Variants in MBNL3 observed in about 807,000 individuals in gnomAD.
The protein encoded by MBNL3 is muscleblind-like protein 3.
A neutral mutation model predicts 24.5 loss-of-function variants in MBNL3; 6 were observed. That is an observed-to-expected ratio of 0.25 (90% CI 0.13 to 0.48). MBNL3 has a LOEUF of 0.48. Among genes scored for constraint, MBNL3 ranks in the 20% least tolerant of loss-of-function variants. The probability of loss-of-function intolerance (pLI) is 0.99; values close to 1 mark genes in which losing one functional copy is unlikely to be tolerated. For synonymous variants in MBNL3, 100 were observed against 101.7 expected (o/e 0.98, Z 0.10); for missense variants, 230 against 293.5 (o/e 0.78, Z 1.58).
intron 8 of MBNL3, among the ~76,000 whole-genome samples, chrX:132,381,114 A>G (rs779257522): frequency 8.9e-6 from 1 of 112,187 alleles, no homozygotes; most frequent in African/African-American, 3.2e-5. Flanking sequence ...TAATAATAGG[A>G]AAACATTTAA....
chrX:132,437,510 C>T (rs1434733896), intron 2 of MBNL3, among the ~76,000 whole-genome samples: 1 of 111,869 alleles, frequency 8.9e-6, no homozygotes, highest in Non-Finnish European at 1.9e-5. Context: ...CCACAATAAT[C>T]ACAGAAGTTA....
At chrX:132,404,850 C>T (rs1941523786) in intron 3 of MBNL3, among the ~76,000 whole-genome samples, 2 of 111,858 alleles carry the variant, frequency 1.8e-5, no homozygotes, top group African/African-American at 6.5e-5. Context: ...TTTCAACTTT[C>T]AATATGTTCA....
chrX:132,421,142 G>A (rs1823758448), intron 2 of MBNL3, among the ~76,000 whole-genome samples: 1 of 111,473 alleles, frequency 9.0e-6, no homozygotes, highest in Admixed American at 9.5e-5. Flanking sequence ...TACTTTCTAG[G>A]TGCTTTGAAA....
At chrX:132,436,182 G>A (rs1267709308) in intron 2 of MBNL3, among the ~76,000 whole-genome samples, 1 of 111,768 alleles carries the variant, frequency 8.9e-6, no homozygotes, top group Admixed American at 9.5e-5. Flanking sequence ...CAAGGCAACA[G>A]AGTCAAAAAC....
intron 3 of MBNL3, among the ~76,000 whole-genome samples, chrX:132,394,646 A>G (rs1441615876): frequency 8.9e-6 from 1 of 112,438 alleles, no homozygotes; most frequent in African/African-American, 3.2e-5. Flanking sequence ...GAGGTGGGTG[A>G]ATTTTCCAGA....
chrX:132,379,327 G>T lies in MBNL3; in HGVS notation c.*339C>A, dbSNP rs181414581. 200 of 190,405 alleles carry T rather than the reference G, an allele frequency of 1.1e-3. No homozygotes were observed. The highest frequency in any genetic ancestry group is 8.5e-3 in the South Asian group (40 of 4,688). 15.7% of individuals were successfully genotyped at this position (190,405 alleles called of 1,213,427 possible). ...TATCCACCAAGAATGTATATAGTAA[G>T]CCAAAAGCTCACTGTGGAAATACAC... On this transcript the variant is annotated 3_prime_UTR_variant, in exon 9 of 9. Transcript: ENST00000370853.
At chrX:132,447,234 C>T (rs188990223) in intron 1 of MBNL3, among the ~76,000 whole-genome samples, 2 of 111,681 alleles carry the variant, frequency 1.8e-5, no homozygotes, top group Admixed American at 1.9e-4. Flanking sequence ...CTTGGCTATG[C>T]GGGTTCTTTT....
intron 2 of MBNL3, among the ~76,000 whole-genome samples, chrX:132,409,272 T>A (rs1469210457): frequency 8.9e-6 from 1 of 112,276 alleles, no homozygotes; most frequent in Non-Finnish European, 1.9e-5. Flanking sequence ...TGTTAACACT[T>A]GTTTTTTAAT....
chrX:132,475,124 C>G (rs147500194), intron 1 of MBNL3, among the ~76,000 whole-genome samples: 180 of 111,908 alleles, frequency 1.6e-3, no homozygotes, highest in East Asian at 4.2e-3. Flanking sequence ...GCATTCTGGA[C>G]AAGTTTAATC....
chrX:132,446,677 C>CA (rs1945740559), intron 1 of MBNL3, among the ~76,000 whole-genome samples: 1 of 111,734 alleles, frequency 8.9e-6, no homozygotes, highest in Non-Finnish European at 1.9e-5. Flanking sequence ...GGATAAATTG[C>CA]AAAAATTTTC....
chrX:132,482,491 G>A (rs921211904), intron 1 of MBNL3, among the ~76,000 whole-genome samples: 6 of 111,024 alleles, frequency 5.4e-5, no homozygotes, highest in African/African-American at 1.6e-4. Flanking sequence ...TGGCGAGCGG[G>A]ACCTACCCTG....
At chrX:132,419,477 T>C (rs1943596512) in intron 2 of MBNL3, among the ~76,000 whole-genome samples, 2 of 111,518 alleles carry the variant, frequency 1.8e-5, no homozygotes, top group South Asian at 7.6e-4. Flanking sequence ...GCAGAGAAAG[T>C]CTCCAAATGA....
intron 1 of MBNL3, among the ~76,000 whole-genome samples, chrX:132,440,629 T>G (rs1053310887): frequency 1.8e-5 from 2 of 112,052 alleles, no homozygotes; most frequent in Non-Finnish European, 3.8e-5. Flanking sequence ...AAAGATTTTT[T>G]TTTTTCTGTG....
intron 2 of MBNL3, among the ~76,000 whole-genome samples, chrX:132,435,371 C>T (rs1362869863): frequency 9.0e-6 from 1 of 111,662 alleles, no homozygotes; most frequent in Non-Finnish European, 1.9e-5. Context: ...ATAGTGTAGA[C>T]AGACCTCTCT....
chrX:132,381,218 T>A (rs1934869215), intron 8 of MBNL3: 2 of 343,625 alleles, frequency 5.8e-6, no homozygotes, highest in South Asian at 2.0e-4. Flanking sequence ...TTTGGAAAAT[T>A]TATAATGTGT....
At chrX:132,395,635 T>C (rs1169314579) in intron 3 of MBNL3, among the ~76,000 whole-genome samples, 3 of 111,341 alleles carry the variant, frequency 2.7e-5, no homozygotes, top group African/African-American at 9.8e-5. Flanking sequence ...GCTCCTACAG[T>C]AGAAATTCCC....
At chrX:132,465,205 C>T (rs1168230702) in intron 1 of MBNL3, among the ~76,000 whole-genome samples, 2 of 111,830 alleles carry the variant, frequency 1.8e-5, no homozygotes, top group Non-Finnish European at 3.8e-5. Flanking sequence ...TGTGTGTGTG[C>T]ATATTTGAAC....
At chrX:132,396,653 CATAT>C (rs1195332419) in intron 3 of MBNL3, among the ~76,000 whole-genome samples, 1 of 7,497 alleles carries the variant, frequency 1.3e-4, no homozygotes, top group African/African-American at 5.4e-4. Context: ...TATATATTCA[CATAT>C]ATATTCACAT....
At chrX:132,442,174 T>A (rs1720598642) in intron 1 of MBNL3, among the ~76,000 whole-genome samples, 1 of 111,522 alleles carries the variant, frequency 9.0e-6, no homozygotes, top group African/African-American at 3.3e-5. Context: ...AATTAGATAG[T>A]GGTGATGATT....
Sources: gnomAD v4.1 joint callset for allele counts (sites outside exome capture counted in the v4.1 genomes callset) on GRCh38, gnomAD v4.1.1 for gene constraint, MANE v1.5 for transcripts, NCBI Gene and HGNC (gene_info 2026-07-23, HGNC 2026-07-21) for gene names.